SSBP3: variants seen among roughly 807,000 people sequenced by gnomAD.
SSBP3 encodes the protein single stranded DNA binding protein 3.
A neutral mutation model predicts 69.6 loss-of-function variants in SSBP3; 5 were observed. The observed-to-expected ratio is 0.07, with a 90% CI of 0.04 to 0.15. The LOEUF (loss-of-function observed/expected upper bound fraction) is 0.15, where lower values mean the gene tolerates loss of function less well. Ranked by LOEUF, SSBP3 falls within the 10% of genes least tolerant of loss-of-function variation. The probability of loss-of-function intolerance (pLI) is 1.00; values close to 1 mark genes in which losing one functional copy is unlikely to be tolerated. For synonymous variants in SSBP3, 196 were observed against 193.4 expected, an observed-to-expected ratio of 1.01 and a Z score of -0.11; for missense variants, 312 against 534.0, an observed-to-expected ratio of 0.58 and a Z score of 4.10.
chr1:54,253,236 G>A (rs1644864096), intron 7 of SSBP3, among the ~76,000 whole-genome samples: 1 of 146,844 alleles, frequency 6.8e-6, no homozygotes, highest in Admixed American at 6.8e-5. Flanking sequence ...CTGTTGCCCA[G>A]GTTGGAATGC....
upstream of SSBP3, among the ~76,000 whole-genome samples, chr1:54,406,734 G>A (rs940220075): frequency 6.6e-6 from 1 of 151,972 alleles, no homozygotes; most frequent in African/African-American, 2.4e-5. Context: ...GTGGACCACT[G>A]GGGGGCTAGG....
At chr1:54,266,080 C>T (rs1353819829) in intron 5 of SSBP3, among the ~76,000 whole-genome samples, 1 of 152,256 alleles carries the variant, frequency 6.6e-6, no homozygotes, top group Non-Finnish European at 1.5e-5. Context: ...CAAAACCTAA[C>T]GCATAGCTCC....
chr1:54,296,776 C>G (rs11206323), intron 4 of SSBP3, among the ~76,000 whole-genome samples: 36,897 of 152,140 alleles, frequency 0.24, 5,310 homozygotes, highest in East Asian at 0.7. Context: ...TAAACCCTCT[C>G]TACCTGTTTT....
chr1:54,363,148 T>C (rs146238125), intron 4 of SSBP3, among the ~76,000 whole-genome samples: 85 of 152,282 alleles, frequency 5.6e-4, no homozygotes, highest in African/African-American at 2.0e-3. Flanking sequence ...CCTGAACAGC[T>C]GGATACTGTT....
chr1:54,271,786 T>C (rs1041979992), intron 5 of SSBP3, among the ~76,000 whole-genome samples: 3 of 152,176 alleles, frequency 2.0e-5, no homozygotes, highest in Non-Finnish European at 2.9e-5. Context: ...TTTTCTTTTT[T>C]TGAGATAGAG....
Position 54,349,148 on chromosome 1 carries a change from T to C in SSBP3, c.276+52713A>G, listed in dbSNP as rs139051002. ...CAAATATAAAACACCCAGCATAATG[T>C]TGGGCACATCAAAAAGAGCCACTAT... On this transcript the variant is annotated intron_variant, in intron 4 of 17. Transcript: ENST00000610401. Among the ~76,000 whole-genome samples the C allele has an allele frequency of 3.1e-3, 471 of 152,344 alleles. 7 individuals carry two copies. Among genetic ancestry groups the C allele is most frequent in the South Asian group, 0.03 (144 of 4,834 alleles).
At chr1:54,252,310 G>A (rs545525979) in intron 7 of SSBP3, among the ~76,000 whole-genome samples, 9 of 152,300 alleles carry the variant, frequency 5.9e-5, no homozygotes, top group African/African-American at 2.2e-4. Context: ...TCCAAATTAC[G>A]GGGACTGAGA....
chr1:54,241,448 G>T, intron 12 of SSBP3, 26 bp downstream of exon 12: 1 of 1,613,688 alleles, frequency 6.2e-7, no homozygotes, highest in Non-Finnish European at 8.5e-7. Flanking sequence ...GGCTAGACAT[G>T]CAATGCCCCA....
intron 14 of SSBP3, among the ~76,000 whole-genome samples, chr1:54,229,374 AAAGG>A (rs1239190383): frequency 6.6e-6 from 1 of 152,192 alleles, no homozygotes; most frequent in African/African-American, 2.4e-5. Context: ...CAAGTTAACA[AAAGG>A]AAGAAATTAG....
At position 54,357,332 on chromosome 1, in the gene SSBP3, T is replaced by C. The variant is rs142683943; in HGVS notation, c.276+44529A>G. ...ACACACAGATCCACACCCCCACTCC[T>C]GACAAAAAGCTAGGGGCTCACTTAC... On this transcript the variant is annotated intron_variant, in intron 4 of 17. Coordinates refer to ENST00000610401, the Ensembl canonical transcript of SSBP3. Among the ~76,000 whole-genome samples the C allele has an allele frequency of 3.0e-3, 457 of 152,072 alleles. 3 individuals carry two copies. Among genetic ancestry groups the C allele is most frequent in the African/African-American group, 0.01 (429 of 41,468 alleles).
intron 4 of SSBP3, among the ~76,000 whole-genome samples, chr1:54,386,723 AT>A (rs1422446248): frequency 7.2e-5 from 5 of 69,290 alleles, no homozygotes; most frequent in Non-Finnish European, 1.1e-4. Flanking sequence ...GAGTTTCACT[AT>A]GTTGTCACAG....
chr1:54,297,226 G>C (rs1444684480), intron 4 of SSBP3, among the ~76,000 whole-genome samples: 4 of 152,166 alleles, frequency 2.6e-5, no homozygotes, highest in African/African-American at 9.7e-5. Flanking sequence ...TACCAATTTG[G>C]GACAGGAGTC....
chr1:54,405,643 GGCGGGACCTCGCCCACCACTCACC>G (rs1268345078), intron 1 of SSBP3: 1 of 156,064 alleles, frequency 6.4e-6, no homozygotes, highest in Non-Finnish European at 1.4e-5. Context: ...GAGGCTCGCT[GGCGGGACCTCGCCCACCACTCACC>G]GCGGGCCCCC....
Position 54,401,811 on chromosome 1 carries a change from G to A in SSBP3, c.276+50C>T, listed in dbSNP as rs764252986. On this transcript the variant is annotated intron_variant, in intron 4 of 17. Coordinates refer to ENST00000610401, the Ensembl canonical transcript of SSBP3. ...TTTGCTTTTCGTACTAGAGAAGTTAGAGCTATCCAACCCTATAATTATTGC... is the reference window on the plus strand; with the variant it reads ...TTTGCTTTTCGTACTAGAGAAGTTAAAGCTATCCAACCCTATAATTATTGC... The A allele has an allele frequency of 2.6e-6, 4 of 1,511,942 alleles. No homozygotes were observed. In the South Asian group the frequency reaches 3.4e-5, roughly 13 times the overall value. The allele number at this position is 1,511,942 out of a possible 1,614,324, so 93.7% of individuals were successfully genotyped here. A position where few individuals can be genotyped will look rare whatever the true frequency, so the allele number is the denominator to read the frequency against.
At chr1:54,261,560 T>A (rs1645017622) in intron 5 of SSBP3, among the ~76,000 whole-genome samples, 1 of 150,850 alleles carries the variant, frequency 6.6e-6, no homozygotes, top group African/African-American at 2.4e-5. Context: ...GAGGAGGGAG[T>A]CTCAAAGCTG....
At chr1:54,232,787 T>C (rs952878990) in intron 14 of SSBP3, among the ~76,000 whole-genome samples, 3 of 152,218 alleles carry the variant, frequency 2.0e-5, no homozygotes, top group African/African-American at 7.2e-5. Flanking sequence ...TTTCGCTGTG[T>C]TGGCCGGGCC....
chr1:54,338,245 C>T lies in SSBP3; in HGVS notation c.277-56718G>A, dbSNP rs1188073068. On this transcript the variant is annotated intron_variant, in intron 4 of 17. Coordinates refer to ENST00000610401, the Ensembl canonical transcript of SSBP3. ...AATGGGGCTGCATAGCCGGCACCTACGGCAGGGCGGGCTGATATGCTTGCC... is the reference window on the plus strand; with the variant it reads ...AATGGGGCTGCATAGCCGGCACCTATGGCAGGGCGGGCTGATATGCTTGCC... Among the ~76,000 whole-genome samples, 4 of 152,350 alleles carry T rather than the reference C, an allele frequency of 2.6e-5. No homozygotes were observed. In the East Asian group the frequency reaches 5.8e-4, roughly 22 times the overall value.
chr1:54,281,278 G>A (rs1264699435), intron 5 of SSBP3, among the ~76,000 whole-genome samples, 160 bp downstream of exon 5: 1 of 152,228 alleles, frequency 6.6e-6, no homozygotes, highest in Admixed American at 6.5e-5. Context: ...TAGAAGGACT[G>A]TTGAAAGGGA....
At chr1:54,379,550 A>T (rs1647452901) in intron 4 of SSBP3, among the ~76,000 whole-genome samples, 1 of 152,018 alleles carries the variant, frequency 6.6e-6, no homozygotes, top group Admixed American at 6.6e-5. Flanking sequence ...TTTGAGGGAG[A>T]CATGATCCCA....
Sources: allele counts gnomAD v4.1 joint callset (sites outside exome capture counted in the v4.1 genomes callset), GRCh38; gene constraint gnomAD v4.1.1; transcripts MANE v1.5; gene names NCBI Gene and HGNC (gene_info 2026-07-23, HGNC 2026-07-21).